The following ENOX1 variants were observed in gnomAD, a reference collection of about 807,000 sequenced individuals.
ENOX1 encodes the protein ecto-NOX disulfide-thiol exchanger 1, also known as candidate growth-related and time keeping constitutive hydroquinone (NADH) oxidase.
Under a neutral mutation model 82.5 loss-of-function variants are expected in ENOX1, and 42 were observed. The ratio of observed to expected loss-of-function variants is 0.51; its 90% CI spans 0.40 to 0.66. ENOX1 has a LOEUF of 0.66. Ranked by LOEUF, ENOX1 falls within the 30% of genes least tolerant of loss-of-function variation. ENOX1 has a pLI of 0.00. For missense variants in ENOX1, 608 were observed against 811.6 expected, an observed-to-expected ratio of 0.75 and a Z score of 3.05; for synonymous variants, 271 against 282.2, an observed-to-expected ratio of 0.96 and a Z score of 0.40.
chr13:43,295,847 T>C (rs1039923951), intron 12 of ENOX1, among the ~76,000 whole-genome samples: 2 of 152,192 alleles, frequency 1.3e-5, no homozygotes, highest in African/African-American at 4.8e-5. Flanking sequence ...GCACTTATAT[T>C]TTAAAACTCT....
chr13:43,465,139 C>T (rs996719704), intron 3 of ENOX1, among the ~76,000 whole-genome samples: 40 of 152,190 alleles, frequency 2.6e-4, no homozygotes, highest in Admixed American at 2.4e-3. Context: ...TTACTATTTC[C>T]CCTCTTTGGA....
At chr13:43,397,416 T>C (rs1287822435) in intron 5 of ENOX1, among the ~76,000 whole-genome samples, 4 of 152,202 alleles carry the variant, frequency 2.6e-5, no homozygotes, top group South Asian at 2.1e-4. Flanking sequence ...AGGGTCCCCA[T>C]GGAGACTGGA....
intron 2 of ENOX1, among the ~76,000 whole-genome samples, chr13:43,590,840 T>C (rs977628398): frequency 3.6e-5 from 5 of 139,548 alleles, no homozygotes; most frequent in Admixed American, 3.6e-4. Context: ...AACAGAGAAA[T>C]GCGCAAATGT....
intron 3 of ENOX1, among the ~76,000 whole-genome samples, chr13:43,430,423 G>T (rs1244585951): frequency 6.6e-6 from 1 of 152,134 alleles, no homozygotes; most frequent in Non-Finnish European, 1.5e-5. Context: ...AGCATATTTG[G>T]TCACAAGGTC....
chr13:43,641,681 C>T (rs1432221888), intron 2 of ENOX1, among the ~76,000 whole-genome samples: 3 of 151,338 alleles, frequency 2.0e-5, no homozygotes, highest in South Asian at 2.1e-4. Context: ...TACAGGCACC[C>T]GCCACCATGT....
At chr13:43,352,584 A>G (rs1594097210) in intron 8 of ENOX1, among the ~76,000 whole-genome samples, 2 of 152,284 alleles carry the variant, frequency 1.3e-5, no homozygotes, top group South Asian at 2.1e-4. Context: ...CATGCTATAA[A>G]CTTTGGGTTT....
At chr13:43,293,102 C>T (rs1347129158) in intron 12 of ENOX1, among the ~76,000 whole-genome samples, 1 of 152,070 alleles carries the variant, frequency 6.6e-6, no homozygotes, top group African/African-American at 2.4e-5. Flanking sequence ...GCCTTCATTA[C>T]CACAGCCACT....
chr13:43,607,049 T>A (rs566293144), intron 2 of ENOX1, among the ~76,000 whole-genome samples: 1 of 152,058 alleles, frequency 6.6e-6, no homozygotes, highest in East Asian at 1.9e-4. Flanking sequence ...CACAATAGAG[T>A]GACTACAGTC....
intron 5 of ENOX1, among the ~76,000 whole-genome samples, chr13:43,376,804 G>A (rs2051667559): frequency 6.6e-6 from 1 of 152,176 alleles, no homozygotes; most frequent in Admixed American, 6.5e-5. Flanking sequence ...ATTACCATAA[G>A]AAGCAGAGAG....
At chr13:43,326,644 TA>T in intron 9 of ENOX1, 119 bp from the exon 10 acceptor site, 1 of 810,408 alleles carries the variant, frequency 1.2e-6, no homozygotes, top group Non-Finnish European at 2.1e-6. Flanking sequence ...ACATCATCAA[TA>T]TCCATCCAAT....
chr13:43,557,595 C>T (rs2079495811), intron 2 of ENOX1, among the ~76,000 whole-genome samples: 1 of 152,150 alleles, frequency 6.6e-6, no homozygotes, highest in Non-Finnish European at 1.5e-5. Flanking sequence ...TAGCACCCCA[C>T]TTCCACCTCA....
intron 5 of ENOX1, among the ~76,000 whole-genome samples, chr13:43,379,525 A>T (rs1300540191): frequency 6.6e-6 from 1 of 152,108 alleles, no homozygotes; most frequent in African/African-American, 2.4e-5. Flanking sequence ...ACAATGTATG[A>T]GATAAAAAAT....
intron 3 of ENOX1, among the ~76,000 whole-genome samples, chr13:43,464,325 A>G (rs949788372): frequency 6.6e-6 from 1 of 152,190 alleles, no homozygotes; most frequent in Non-Finnish European, 1.5e-5. Context: ...TGAAAGCTAG[A>G]CAAGGGTAAG....
intron 2 of ENOX1, among the ~76,000 whole-genome samples, chr13:43,504,131 C>T (rs12875877): frequency 0.43 from 64,623 of 151,388 alleles, 13,979 homozygotes; most frequent in African/African-American, 0.5. Flanking sequence ...AACTGAGATA[C>T]CACCTCACAC....
intron 2 of ENOX1, among the ~76,000 whole-genome samples, chr13:43,632,441 A>G (rs2153751381): frequency 6.6e-6 from 1 of 151,570 alleles, no homozygotes; most frequent in East Asian, 1.9e-4. Context: ...ATGTATTTCT[A>G]TTATAATCTT....
At chr13:43,549,051 C>T (rs2079083219) in intron 2 of ENOX1, among the ~76,000 whole-genome samples, 1 of 152,184 alleles carries the variant, frequency 6.6e-6, no homozygotes, top group Admixed American at 6.5e-5. Context: ...ATTTATTATA[C>T]TTTTTGAAAC....
intron 5 of ENOX1, among the ~76,000 whole-genome samples, chr13:43,387,757 C>T (rs1049350098): frequency 6.6e-6 from 1 of 151,750 alleles, no homozygotes; most frequent in African/African-American, 2.4e-5. Flanking sequence ...TGTAAATGCA[C>T]ACATATATAC....
chr13:43,727,310 T>G (rs2089045302), intron 1 of ENOX1, among the ~76,000 whole-genome samples: 1 of 152,100 alleles, frequency 6.6e-6, no homozygotes, highest in African/African-American at 2.4e-5. Flanking sequence ...CAATAATGGG[T>G]CCCCTCCACC....
intron 2 of ENOX1, among the ~76,000 whole-genome samples, chr13:43,619,905 CT>C (rs1435421585): frequency 7.9e-5 from 12 of 151,964 alleles, no homozygotes; most frequent in Non-Finnish European, 1.5e-5. Context: ...TGTTGGTAAT[CT>C]TTTAATTACA....
Sources: allele counts gnomAD v4.1 joint callset (sites outside exome capture counted in the v4.1 genomes callset), GRCh38; gene constraint gnomAD v4.1.1; transcripts MANE v1.5; gene names NCBI Gene and HGNC (gene_info 2026-07-23, HGNC 2026-07-21).